Variants in TTBK2 observed in about 807,000 individuals in gnomAD.
TTBK2 encodes tau-tubulin kinase 2.
Under a neutral mutation model 110.8 loss-of-function variants are expected in TTBK2, and 28 were observed. The ratio of observed to expected loss-of-function variants is 0.25; its 90% CI spans 0.19 to 0.35. The LOEUF is 0.35. TTBK2 is among the 10% of genes least tolerant of loss of function. The pLI is 1.00. For synonymous variants in TTBK2, 532 were observed against 527.3 expected, an observed-to-expected ratio of 1.01 and a Z score of -0.12; for missense variants, 1,369 against 1,500.3, an observed-to-expected ratio of 0.91 and a Z score of 1.45.
At chr15:42,816,408 C>G (rs1892030309) in intron 7 of TTBK2, among the ~76,000 whole-genome samples, 2 of 151,680 alleles carry the variant, frequency 1.3e-5, no homozygotes, top group Admixed American at 1.3e-4. Flanking sequence ...ATACTTATAT[C>G]TAATTAAGGA....
At chr15:42,911,405 C>T in intron 1 of TTBK2, among the ~76,000 whole-genome samples, 1 of 152,138 alleles carries the variant, frequency 6.6e-6, no homozygotes. Flanking sequence ...AGTTTAAATC[C>T]AGCCTGGGCA....
chr15:42,896,452 C>T (rs548722293), intron 1 of TTBK2, among the ~76,000 whole-genome samples: 1 of 152,178 alleles, frequency 6.6e-6, no homozygotes, highest in East Asian at 1.9e-4. Context: ...ACACTCTACA[C>T]AAAATGTAAC....
chr15:42,748,414 A>T (rs1405965978), intron 14 of TTBK2, among the ~76,000 whole-genome samples: 1 of 151,930 alleles, frequency 6.6e-6, no homozygotes, highest in Non-Finnish European at 1.5e-5. Context: ...CCGGGATCGC[A>T]CCACTGCACT....
intron 3 of TTBK2, among the ~76,000 whole-genome samples, chr15:42,871,177 A>G (rs1441910540): frequency 6.6e-6 from 1 of 152,212 alleles, no homozygotes; most frequent in Non-Finnish European, 1.5e-5. Flanking sequence ...GGACCAGAAG[A>G]TTAAAAATCA....
intron 10 of TTBK2, among the ~76,000 whole-genome samples, chr15:42,789,852 A>AACACACACACAC (rs1890572771): frequency 2.9e-5 from 1 of 34,182 alleles, no homozygotes; most frequent in Admixed American, 2.3e-4. Context: ...AAATACATAC[A>AACACACACACAC]ATACACACAC....
At chr15:42,802,120 A>C in intron 9 of TTBK2, 1 of 1,455,386 alleles carries the variant, frequency 6.9e-7, no homozygotes, top group Non-Finnish European at 9.5e-7. Flanking sequence ...CTTGTTGTTG[A>C]GGGTCTTGAT....
intron 9 of TTBK2, among the ~76,000 whole-genome samples, chr15:42,806,702 T>A (rs1380995905): frequency 6.6e-6 from 1 of 152,184 alleles, no homozygotes; most frequent in Admixed American, 6.5e-5. Context: ...CACAATCCCA[T>A]CTTTTGGGGC....
rs777438034 is a variant in TTBK2 at position 42,775,539 on chromosome 15, T to G, written c.1594A>C (p.Ser532Arg). The change falls in exon 13 of 15, where the codon AGC (serine) becomes CGC (arginine). Residue 532 changes from serine (S) to arginine (R), a missense_variant. Ser to Arg is a moderately radical substitution (Grantham distance 110). This residue lies in a region of TTBK2 where 1,097 missense variants were observed against 1,114.7 expected (regional missense o/e 0.98). Coordinates refer to ENST00000267890, the MANE Select transcript of TTBK2 (RefSeq NM_173500.4). ...AGGTTAACAGCTATAAATCCATTGCTGCCACCACCATCTGCCTGCTCAGGG... is the reference window on the plus strand; with the variant it reads ...AGGTTAACAGCTATAAATCCATTGCGGCCACCACCATCTGCCTGCTCAGGG... ...NTPEQADGGGSNGFIAVNLSS... is the reference protein window; with the variant it reads ...NTPEQADGGGRNGFIAVNLSS... 2 of 1,614,230 alleles carry G rather than the reference T, an allele frequency of 1.2e-6. No individual in the cohort carries two copies. Among genetic ancestry groups the G allele is most frequent in the South Asian group, 2.2e-5 (2 of 91,092 alleles).
intron 1 of TTBK2, among the ~76,000 whole-genome samples, chr15:42,883,349 C>T (rs1895119655): frequency 6.7e-6 from 1 of 148,920 alleles, no homozygotes; most frequent in Non-Finnish European, 1.5e-5. Context: ...TGCACTACAG[C>T]CTGGGTGACA....
At chr15:42,850,990 C>T (rs751987879) in intron 3 of TTBK2, among the ~76,000 whole-genome samples, 15 of 151,630 alleles carry the variant, frequency 9.9e-5, no homozygotes, top group Non-Finnish European at 1.9e-4. Context: ...CTTTGGGAGG[C>T]TGAGGAGGGT....
At chr15:42,800,067 C>A (rs993796551) in intron 9 of TTBK2, among the ~76,000 whole-genome samples, 29 of 151,606 alleles carry the variant, frequency 1.9e-4, no homozygotes, top group African/African-American at 6.1e-4. Context: ...CCACTGCACT[C>A]CAGCCTGGGT....
At chr15:42,774,896 T>A (rs888766729) in intron 13 of TTBK2, among the ~76,000 whole-genome samples, 1 of 152,236 alleles carries the variant, frequency 6.6e-6, no homozygotes, top group Non-Finnish European at 1.5e-5. Flanking sequence ...AAAATGTTAT[T>A]CTAAAATTAG....
intron 1 of TTBK2, among the ~76,000 whole-genome samples, chr15:42,900,614 C>T (rs866236885): frequency 1.3e-5 from 2 of 151,912 alleles, no homozygotes; most frequent in Non-Finnish European, 2.9e-5. Context: ...CCCAGCTACT[C>T]GGGAGACTGA....
chr15:42,817,280 T>TA (rs1163080970), intron 6 of TTBK2, among the ~76,000 whole-genome samples, 183 bp from the exon 7 acceptor site: 35 of 150,438 alleles, frequency 2.3e-4, no homozygotes, highest in Admixed American at 4.0e-4. Context: ...AATCACATCT[T>TA]TAAAAAAAAA....
chr15:42,788,065 A>G (rs1890485518), intron 10 of TTBK2, among the ~76,000 whole-genome samples: 1 of 152,048 alleles, frequency 6.6e-6, no homozygotes, highest in South Asian at 2.1e-4. Context: ...TTATCTAAAC[A>G]TAGAAAAGGT....
At chr15:42,782,629 C>T (rs76833176) in intron 11 of TTBK2, among the ~76,000 whole-genome samples, 7,754 of 152,198 alleles carry the variant, frequency 0.051, 553 homozygotes, top group African/African-American at 0.15. Flanking sequence ...ATGCTTTATC[C>T]AGATGTTCAA....
intron 3 of TTBK2, among the ~76,000 whole-genome samples, chr15:42,869,125 T>C (rs777260664): frequency 1.7e-4 from 26 of 152,150 alleles, no homozygotes; most frequent in African/African-American, 3.1e-4. Flanking sequence ...TCTGGCTCCA[T>C]TGCCCAAGCT....
chr15:42,796,878 T>C (rs1054719679), intron 9 of TTBK2, among the ~76,000 whole-genome samples: 4 of 152,220 alleles, frequency 2.6e-5, no homozygotes, highest in African/African-American at 7.2e-5. Context: ...AAAGGAAGAA[T>C]TGTAAATACA....
chr15:42,755,091 A>G (rs936353948), intron 13 of TTBK2, among the ~76,000 whole-genome samples: 4 of 151,746 alleles, frequency 2.6e-5, no homozygotes, highest in Admixed American at 2.6e-4. Flanking sequence ...TTTTAATTCT[A>G]TATGAATAAG....
Sources: gnomAD v4.1 joint callset for allele counts (sites outside exome capture counted in the v4.1 genomes callset) on GRCh38, gnomAD v4.1.1 for gene constraint, gnomAD v4.1.1 regional missense constraint, MANE v1.5 for transcripts, NCBI Gene and HGNC (gene_info 2026-07-23, HGNC 2026-07-21) for gene names.